Variants in CFAP61 observed in about 807,000 individuals in gnomAD.
CFAP61 encodes the protein cilia- and flagella-associated protein 61.
CFAP61 carries 107 observed loss-of-function variants against 135.6 expected under a neutral mutation model. The ratio of observed to expected loss-of-function variants is 0.79; its 90% CI spans 0.67 to 0.93. The LOEUF (loss-of-function observed/expected upper bound fraction) is 0.93. Ranked by LOEUF, CFAP61 falls within the 40% of genes least tolerant of loss-of-function variation. The probability of loss-of-function intolerance (pLI) is 0.00; values close to 1 mark genes in which losing one functional copy is unlikely to be tolerated. For missense variants in CFAP61, 1,507 were observed against 1,556.2 expected, an observed-to-expected ratio of 0.97 and a Z score of 0.53; for synonymous variants, 575 against 578.5, an observed-to-expected ratio of 0.99 and a Z score of 0.09.
chr20:20,293,757 A>G (rs1367663492), intron 24 of CFAP61, among the ~76,000 whole-genome samples: 1 of 152,216 alleles, frequency 6.6e-6, no homozygotes, highest in African/African-American at 2.4e-5. Flanking sequence ...CTACATAATA[A>G]ACTAATTTAC....
In CFAP61 at chr20:20,199,875, T is replaced by C; in HGVS notation, c.1905T>C (p.Ala635=). 2 of 1,614,062 alleles carry C rather than the reference T, an allele frequency of 1.2e-6. No homozygotes were observed. Among genetic ancestry groups the C allele is most frequent in the Non-Finnish European group, 1.7e-6 (2 of 1,179,994 alleles). The part of the protein sequence containing the change: ...VYPLEKLGIN[A]PSKAVSKDPM... Reference sequence around the variant, plus strand: ...CTCTGGAAAAGCTTGGCATAAACGCTCCATCAAAGGCGGTCTCCAAGGATC... The same window carrying C: ...CTCTGGAAAAGCTTGGCATAAACGCCCCATCAAAGGCGGTCTCCAAGGATC... Residue 635 remains alanine (A), a synonymous_variant, in exon 17 of 27, where the codon GCT becomes GCC. Coordinates refer to ENST00000245957, the MANE Select transcript of CFAP61 (RefSeq NM_015585.4).
intron 24 of CFAP61, among the ~76,000 whole-genome samples, chr20:20,292,540 T>G (rs1317987497): frequency 6.6e-6 from 1 of 152,194 alleles, no homozygotes; most frequent in African/African-American, 2.4e-5. Context: ...GGGCACAGAT[T>G]GTCTCTGCTC....
At chr20:20,306,347 A>G (rs2056476343) in intron 25 of CFAP61, among the ~76,000 whole-genome samples, 1 of 152,198 alleles carries the variant, frequency 6.6e-6, no homozygotes, top group African/African-American at 2.4e-5. Flanking sequence ...TGAAAATATC[A>G]CTTGGCATAT....
intron 12 of CFAP61, among the ~76,000 whole-genome samples, chr20:20,168,041 A>G (rs1433225221): frequency 6.6e-6 from 1 of 152,204 alleles, no homozygotes; most frequent in African/African-American, 2.4e-5. Context: ...AAAGGAACAG[A>G]TGAAGTTTAT....
rs537325239 is a variant in CFAP61, at chr20:20,076,235, G to A, written c.566+620G>A. Among the ~76,000 whole-genome samples, 4 of 152,368 alleles carry A rather than the reference G, an allele frequency of 2.6e-5. No individual in the cohort carries two copies. The East Asian group carries it at 5.8e-4, about 22-fold the overall frequency. ...CTTTGACCAGTAGACCGTGGCCAAA[G>A]GGATGCTCTGGGACTTGTGAGGCTG... On this transcript the variant is annotated intron_variant, in intron 6 of 26. Coordinates refer to ENST00000245957, the MANE Select transcript of CFAP61 (RefSeq NM_015585.4).
chr20:20,292,293 TCCA>T (rs925933483), intron 24 of CFAP61, among the ~76,000 whole-genome samples: 3 of 152,224 alleles, frequency 2.0e-5, no homozygotes, highest in African/African-American at 7.2e-5. Context: ...ACCCAGTTCT[TCCA>T]GGAAAAGGGT....
intron 17 of CFAP61, among the ~76,000 whole-genome samples, chr20:20,202,750 C>T (rs2056682620): frequency 1.3e-5 from 2 of 152,000 alleles, no homozygotes; most frequent in South Asian, 4.1e-4. Flanking sequence ...TTTCACATCT[C>T]CCACCGCCCC....
intron 25 of CFAP61, among the ~76,000 whole-genome samples, chr20:20,337,236 GATGC>G (rs2058227532): frequency 1.3e-5 from 2 of 152,138 alleles, no homozygotes; most frequent in African/African-American, 2.4e-5. Context: ...TGTTAGGATG[GATGC>G]ATGGATGGAT....
At chr20:20,286,309 G>T (rs1003479138) in intron 22 of CFAP61, among the ~76,000 whole-genome samples, 1 of 152,236 alleles carries the variant, frequency 6.6e-6, no homozygotes, top group Admixed American at 6.5e-5. Context: ...CTCCAGCCAG[G>T]TTAGGATGCA....
intron 4 of CFAP61, among the ~76,000 whole-genome samples, chr20:20,074,898 G>A (rs868414480): frequency 2.0e-5 from 3 of 152,232 alleles, no homozygotes; most frequent in Admixed American, 2.0e-4. Flanking sequence ...CAGATGCCAG[G>A]TCAAAGGTTA....
intron 17 of CFAP61, among the ~76,000 whole-genome samples, 192 bp from the exon 18 acceptor site, chr20:20,228,057 A>T (rs1446560641): frequency 6.6e-6 from 1 of 152,244 alleles, no homozygotes; most frequent in African/African-American, 2.4e-5. Context: ...TGTCAGGCAT[A>T]TCCACATGTT....
At chr20:20,258,129 T>C (rs1310059679) in intron 20 of CFAP61, among the ~76,000 whole-genome samples, 4 of 152,114 alleles carry the variant, frequency 2.6e-5, no homozygotes, top group Non-Finnish European at 5.9e-5. Flanking sequence ...GTTTTTACAC[T>C]TAATTCAAAA....
chr20:20,320,278 T>C (rs1029783255), intron 25 of CFAP61, among the ~76,000 whole-genome samples: 4 of 137,386 alleles, frequency 2.9e-5, no homozygotes, highest in Admixed American at 8.3e-5. Context: ...GATAAGCAAT[T>C]ATGATTAATT....
chr20:20,355,883 G>C (rs200485533), intron 26 of CFAP61, among the ~76,000 whole-genome samples: 3 of 147,380 alleles, frequency 2.0e-5, no homozygotes, highest in African/African-American at 7.5e-5. Flanking sequence ...TGTGAGGGGA[G>C]GTGGTCACAC....
intron 25 of CFAP61, among the ~76,000 whole-genome samples, chr20:20,338,076 CACTG>C (rs1411218405): frequency 1.3e-5 from 2 of 152,164 alleles, no homozygotes; most frequent in African/African-American, 4.8e-5. Flanking sequence ...TGATATTTAT[CACTG>C]CCTGCCTTCT....
intron 22 of CFAP61, among the ~76,000 whole-genome samples, chr20:20,277,677 T>A (rs556761290): frequency 6.6e-6 from 1 of 152,356 alleles, no homozygotes; most frequent in Admixed American, 6.5e-5. Flanking sequence ...CTCCTGGTTT[T>A]TTATTATTAT....
chr20:20,331,830 C>T (rs1246004188), intron 25 of CFAP61, among the ~76,000 whole-genome samples: 1 of 152,080 alleles, frequency 6.6e-6, no homozygotes, highest in Non-Finnish European at 1.5e-5. Context: ...GCCGCCTGGC[C>T]TAATGCTGGC....
At chr20:20,347,167 A>G (rs1001541627) in intron 26 of CFAP61, among the ~76,000 whole-genome samples, 5 of 152,228 alleles carry the variant, frequency 3.3e-5, no homozygotes, top group African/African-American at 1.2e-4. Context: ...GTCAAAAAAG[A>G]AATAAAAAAG....
At chr20:20,323,042 T>C in intron 25 of CFAP61, 1 of 985,472 alleles carries the variant, frequency 1.0e-6, no homozygotes. Context: ...GCTCTGACTT[T>C]GTGATCACTG....
Sources: allele counts gnomAD v4.1 joint callset (sites outside exome capture counted in the v4.1 genomes callset), GRCh38; gene constraint gnomAD v4.1.1; transcripts MANE v1.5; gene names NCBI Gene and HGNC (gene_info 2026-07-23, HGNC 2026-07-21).